SLF1: variants seen among roughly 807,000 people sequenced by gnomAD.
The protein encoded by SLF1 is SMC5-SMC6 complex localization factor protein 1.
A neutral mutation model predicts 123.0 loss-of-function variants in SLF1; 105 were observed. The observed-to-expected ratio is 0.85, with a 90% CI of 0.73 to 1.00. The LOEUF (loss-of-function observed/expected upper bound fraction) is 1.00, where lower values mean the gene tolerates loss of function less well. SLF1 is among the 50% of genes least tolerant of loss of function. The pLI is 0.00. For missense variants in SLF1, 1,239 were observed against 1,223.0 expected (o/e 1.01, Z -0.20); for synonymous variants, 434 against 406.6 (o/e 1.07, Z -0.81).
At position 94,670,140 on chromosome 5, in the gene SLF1, A is replaced by T. The variant is rs902046865; in HGVS notation, c.1533-11A>T. 1 of 1,529,716 alleles carries T rather than the reference A, an allele frequency of 6.5e-7. No individual in the cohort carries two copies. The highest frequency in any genetic ancestry group is 8.8e-7 in the Non-Finnish European group (1 of 1,137,984). The allele number at this position is 1,529,716 out of a possible 1,614,324, so 94.8% of individuals were successfully genotyped here. A position where few individuals can be genotyped will look rare whatever the true frequency, so the allele number is the denominator to read the frequency against. On this transcript the variant is annotated splice_polypyrimidine_tract_variant and intron_variant, in intron 12 of 20. Coordinates refer to ENST00000265140, the MANE Select transcript of SLF1 (RefSeq NM_032290.4). Reference sequence around the variant, plus strand: ...TTGTATGTTATAGATTTTTGGGTTCATGTTTTTCAGGTCTTGCCTTTTCAA... The same window carrying T: ...TTGTATGTTATAGATTTTTGGGTTCTTGTTTTTCAGGTCTTGCCTTTTCAA...
At chr5:94,654,432 G>GTT (rs1748137619) in intron 8 of SLF1, among the ~76,000 whole-genome samples, 198 bp from the exon 9 acceptor site, 1 of 151,068 alleles carries the variant, frequency 6.6e-6, no homozygotes, top group East Asian at 1.9e-4. Context: ...GTAAATATCA[G>GTT]TTAATTCTTT....
chr5:94,633,713 C>T (rs1267448574), intron 4 of SLF1, among the ~76,000 whole-genome samples: 2 of 152,178 alleles, frequency 1.3e-5, no homozygotes, highest in African/African-American at 4.8e-5. Flanking sequence ...GATCAAAAGA[C>T]AACAGATCAC....
chr5:94,657,477 A>G (rs970215084), intron 9 of SLF1, among the ~76,000 whole-genome samples: 1 of 152,082 alleles, frequency 6.6e-6, no homozygotes, highest in Non-Finnish European at 1.5e-5. Flanking sequence ...GTCCGGAAGA[A>G]TGTCCCATAT....
At chr5:94,687,690 TCAACAACAACAACAA>T (rs142879632) in intron 16 of SLF1, among the ~76,000 whole-genome samples, 1 of 150,120 alleles carries the variant, frequency 6.7e-6, no homozygotes, top group South Asian at 2.1e-4. Flanking sequence ...AGACCCTGTC[TCAACAACAACAACAA>T]CAACAACAAC....
At position 94,686,694 on chromosome 5, in the gene SLF1, T is replaced by A; in HGVS notation, c.2097T>A (p.Ser699=). 1 of 1,614,078 alleles carries A rather than the reference T, an allele frequency of 6.2e-7. No homozygotes were observed. The highest frequency in any genetic ancestry group is 8.5e-7 in the Non-Finnish European group (1 of 1,179,948). The part of the protein sequence containing the change: ...LCLQSSGSVS[S]EPLSLQKMVY... ...TACAGAGCTCTGGCAGTGTTTCTTC[T>A]GAGCCACTCTCTCTTCAGAAAATGG... is the stretch of plus-strand genomic sequence containing the variant. Residue 699 remains serine, a synonymous_variant, in exon 16 of 21, where the codon TCT becomes TCA. Coordinates refer to ENST00000265140, the MANE Select transcript of SLF1 (RefSeq NM_032290.4).
chr5:94,628,088 A>G (rs1744760793), intron 1 of SLF1, among the ~76,000 whole-genome samples: 1 of 151,130 alleles, frequency 6.6e-6, no homozygotes. Context: ...CGGCCTCCCA[A>G]AGAAAGTGCT....
At position 94,654,766 on chromosome 5, in the gene SLF1, C is replaced by A; in HGVS notation, c.1155+14C>A. The stretch of plus-strand genomic sequence containing the variant: ...TATAGAGCTCAGGTAAAACTTGGCA[C>A]ATGAAAAATTTTGTATAATATCGTG... On this transcript the variant is annotated intron_variant, in intron 9 of 20. Coordinates refer to ENST00000265140, the MANE Select transcript of SLF1 (RefSeq NM_032290.4). The A allele has an allele frequency of 1.4e-6, 2 of 1,480,016 alleles. No individual in the cohort carries two copies. The highest frequency in any genetic ancestry group is 9.0e-7 in the Non-Finnish European group (1 of 1,115,790). 91.7% of individuals were successfully genotyped at this position (1,480,016 alleles called of 1,614,324 possible).
chr5:94,632,062 G>T (rs1055178045), intron 4 of SLF1, among the ~76,000 whole-genome samples: 18 of 151,080 alleles, frequency 1.2e-4, no homozygotes, highest in Non-Finnish European at 2.4e-4. Context: ...TGGGAAGATA[G>T]CCTAGAGCCC....
chr5:94,679,594 TA>T (rs575562847), intron 15 of SLF1, among the ~76,000 whole-genome samples: 28 of 146,250 alleles, frequency 1.9e-4, no homozygotes, highest in East Asian at 1.2e-3. Flanking sequence ...CCTGTCTCTT[TA>T]AAAAAAAAAA....
intron 14 of SLF1, among the ~76,000 whole-genome samples, chr5:94,671,947 T>C (rs1750511366): frequency 6.6e-6 from 1 of 152,088 alleles, no homozygotes; most frequent in Non-Finnish European, 1.5e-5. Flanking sequence ...TAGTGAATTA[T>C]AGTGAAAGAA....
intron 1 of SLF1, among the ~76,000 whole-genome samples, chr5:94,624,973 T>G (rs1585091981): frequency 6.6e-6 from 1 of 151,080 alleles, no homozygotes; most frequent in Non-Finnish European, 1.5e-5. Flanking sequence ...GATCACAAGG[T>G]CAGGAGATCG....
intron 9 of SLF1, among the ~76,000 whole-genome samples, chr5:94,658,797 A>G (rs1289397660): frequency 6.7e-6 from 1 of 148,558 alleles, no homozygotes; most frequent in African/African-American, 2.5e-5. Flanking sequence ...ATGCCTTCCC[A>G]TATGTCATTT....
chr5:94,654,828 CATATATACATAT>C, intron 9 of SLF1, 76 bp downstream of exon 9: 2 of 982,454 alleles, frequency 2.0e-6, no homozygotes, highest in Non-Finnish European at 2.7e-6. Context: ...ATTATATATA[CATATATACATAT>C]GATTCATTAG....
chr5:94,654,609 A>G lies in SLF1; in HGVS notation c.1033-21A>G, dbSNP rs1035655875. On this transcript the variant is annotated intron_variant, in intron 8 of 20. Transcript: ENST00000265140. ...TGTCTTTAGTACATTTTCTAAAGTCATTTTACTTTGCTATATGCAGAAAGA... is the reference window on the plus strand; with the variant it reads ...TGTCTTTAGTACATTTTCTAAAGTCGTTTTACTTTGCTATATGCAGAAAGA... The G allele has an allele frequency of 5.3e-6, 8 of 1,516,108 alleles. No homozygotes were observed. In the African/African-American group the frequency reaches 8.4e-5, roughly 16 times the overall value. The allele number at this position is 1,516,108 out of a possible 1,614,324, so 93.9% of individuals were successfully genotyped here. A position where few individuals can be genotyped will look rare whatever the true frequency, so the allele number is the denominator to read the frequency against.
intron 12 of SLF1, among the ~76,000 whole-genome samples, chr5:94,667,984 G>C (rs1232531993): frequency 6.6e-6 from 1 of 152,086 alleles, no homozygotes; most frequent in Admixed American, 6.6e-5. Flanking sequence ...TTGAGCTCAA[G>C]TTTTCTGCCC....
At position 94,630,543 on chromosome 5, in the gene SLF1, CA is replaced by C. The variant is rs1745090187; in HGVS notation, c.235del (p.Ser79ValfsTer37). On this transcript the variant is annotated frameshift_variant, in exon 4 of 21. Coordinates refer to ENST00000265140, the MANE Select transcript of SLF1 (RefSeq NM_032290.4). LOFTEE classifies it high-confidence loss of function. ...CCAAGGACTATATAATTCATAGTGC[CA>C]AAAGTGGCAGATGGCTTGATGAAAC... ...LTKDYIIHSA[K>X]SGRWLDETTY... 6.4e-7 allele frequency: 1 copy of C among 1,551,332 alleles called. No individual in the cohort carries two copies. Among genetic ancestry groups the C allele is most frequent in the African/African-American group, 1.4e-5 (1 of 73,024 alleles).
At chr5:94,682,018 A>ATGTG (rs149761695) in intron 15 of SLF1, among the ~76,000 whole-genome samples, 1 of 151,654 alleles carries the variant, frequency 6.6e-6, no homozygotes. Context: ...GTGTGTGTGC[A>ATGTG]TGTGTGTGTG....
chr5:94,622,771 A>G (rs921591146), intron 1 of SLF1, among the ~76,000 whole-genome samples: 4 of 152,130 alleles, frequency 2.6e-5, no homozygotes, highest in Non-Finnish European at 4.4e-5. Context: ...TATTTATTTT[A>G]GCTAATGATA....
intron 1 of SLF1, among the ~76,000 whole-genome samples, chr5:94,627,800 G>A (rs915777753): frequency 6.6e-6 from 1 of 150,654 alleles, no homozygotes; most frequent in African/African-American, 2.4e-5. Flanking sequence ...ATCATTGTCT[G>A]TAGGTTTCAA....
Sources: gnomAD v4.1 joint callset for allele counts (sites outside exome capture counted in the v4.1 genomes callset) on GRCh38, gnomAD v4.1.1 for gene constraint, MANE v1.5 for transcripts, NCBI Gene and HGNC (gene_info 2026-07-23, HGNC 2026-07-21) for gene names.